The following RBM47 variants were observed in gnomAD, a reference collection of about 807,000 sequenced individuals.
The protein encoded by RBM47 is RNA-binding protein 47.
Under a neutral mutation model 47.1 loss-of-function variants are expected in RBM47, and 21 were observed. That is an observed-to-expected ratio of 0.45 (90% CI 0.32 to 0.64). The LOEUF is 0.64. Among genes scored for constraint, RBM47 ranks in the 30% least tolerant of loss-of-function variants. The probability of loss-of-function intolerance (pLI) is 0.05; values close to 1 mark genes in which losing one functional copy is unlikely to be tolerated. For synonymous variants in RBM47, 375 were observed against 361.7 expected (o/e 1.04, Z -0.42); for missense variants, 708 against 870.9 (o/e 0.81, Z 2.35).
rs374159101 is a variant in RBM47, at chr4:40,438,364, C to T, written c.530G>A (p.Gly177Asp). ...GGCGTAGACGATCACGTCCAGCACG[C>T]CCTCGGTGACCTTGGCAATCTCCTC... ...ILEEIAKVTE[G>D]VLDVIVYASA... The change falls in exon 4 of 7, where the codon GGC (glycine) becomes GAC (aspartate). Residue 177 changes from glycine (G) to aspartate (D), a missense_variant. By Grantham distance (94) the Gly-to-Asp change is moderately conservative. Transcript: ENST00000295971. 31 of 1,612,266 alleles carry T rather than the reference C, an allele frequency of 1.9e-5. No individual in the cohort carries two copies. Among genetic ancestry groups the T allele is most frequent in the Non-Finnish European group, 2.5e-5 (29 of 1,179,962 alleles).
intron 1 of RBM47, among the ~76,000 whole-genome samples, chr4:40,556,659 G>GCGGGAGGATCACTTGAGCT (rs906583606): frequency 3.3e-5 from 5 of 152,158 alleles, no homozygotes; most frequent in African/African-American, 1.2e-4. Flanking sequence ...GGAGACTGAG[G>GCGGGAGGATCACTTGAGCT]CGGGAGGATC....
At chr4:40,436,787 A>C (rs185613109) in intron 4 of RBM47, 140 bp from the exon 5 acceptor site, 27 of 794,870 alleles carry the variant, frequency 3.4e-5, no homozygotes, top group Non-Finnish European at 5.2e-5. Context: ...TAGGCTGGTA[A>C]AGATGCTTCC....
At chr4:40,528,415 A>AG (rs1276418775) in intron 2 of RBM47, among the ~76,000 whole-genome samples, 1 of 151,162 alleles carries the variant, frequency 6.6e-6, no homozygotes, top group Non-Finnish European at 1.5e-5. Context: ...TAAAAAAAAA[A>AG]CAACAAAAAA....
chr4:40,580,364 C>T (rs1234354236), intron 1 of RBM47, among the ~76,000 whole-genome samples: 1 of 152,044 alleles, frequency 6.6e-6, no homozygotes, highest in Non-Finnish European at 1.5e-5. Context: ...GTTTACTCTC[C>T]TCATTTGGAA....
intron 2 of RBM47, among the ~76,000 whole-genome samples, chr4:40,478,127 T>C (rs1263935562): frequency 6.6e-6 from 1 of 150,538 alleles, no homozygotes; most frequent in Admixed American, 6.7e-5. Context: ...GCGATTCTCC[T>C]GCCTCAGCCT....
chr4:40,484,849 CTTCTT>C (rs1206129561), intron 2 of RBM47, among the ~76,000 whole-genome samples: 1 of 152,164 alleles, frequency 6.6e-6, no homozygotes, highest in African/African-American at 2.4e-5. Flanking sequence ...TTCAGCATTT[CTTCTT>C]TTCTAGATAT....
chr4:40,495,721 G>A (rs1722476697), intron 2 of RBM47, among the ~76,000 whole-genome samples: 1 of 152,018 alleles, frequency 6.6e-6, no homozygotes, highest in African/African-American at 2.4e-5. Flanking sequence ...ACATTTCTTT[G>A]AAGAGGCATG....
At chr4:40,467,263 C>T (rs1291861268) in intron 2 of RBM47, among the ~76,000 whole-genome samples, 2 of 152,002 alleles carry the variant, frequency 1.3e-5, no homozygotes, top group Non-Finnish European at 1.5e-5. Flanking sequence ...AAGAGACTTA[C>T]TGTTCTGCCC....
chr4:40,433,965 T>C (rs1711791635), intron 5 of RBM47, among the ~76,000 whole-genome samples: 1 of 133,360 alleles, frequency 7.5e-6, no homozygotes, highest in South Asian at 2.4e-4. Flanking sequence ...GGAAAAGATA[T>C]CAGCCCTTTT....
chr4:40,429,865 G>A (rs1715650003), intron 6 of RBM47, among the ~76,000 whole-genome samples: 1 of 151,934 alleles, frequency 6.6e-6, no homozygotes, highest in Non-Finnish European at 1.5e-5. Flanking sequence ...GAGGATGATC[G>A]AAGGTAGGGG....
At chr4:40,552,379 CAGAGTG>C (rs1169107472) in intron 1 of RBM47, among the ~76,000 whole-genome samples, 1 of 150,782 alleles carries the variant, frequency 6.6e-6, no homozygotes, top group Non-Finnish European at 1.5e-5. Context: ...GCCTGGGCGA[CAGAGTG>C]AGACTCTGTC....
intron 2 of RBM47, among the ~76,000 whole-genome samples, chr4:40,493,408 C>T (rs1722159655): frequency 6.6e-6 from 1 of 152,142 alleles, no homozygotes; most frequent in Admixed American, 6.6e-5. Flanking sequence ...AATGTGTCCA[C>T]AGAACACTTG....
chr4:40,620,927 G>C (rs546126456), intron 1 of RBM47, among the ~76,000 whole-genome samples: 1 of 152,036 alleles, frequency 6.6e-6, no homozygotes, highest in South Asian at 2.1e-4. Flanking sequence ...TTGTTTATTA[G>C]GCATAATTTG....
rs952627036 is a variant in RBM47 at position 40,551,741 on chromosome 4, C to T, written c.-239-7235G>A. Among the ~76,000 whole-genome samples, 8 of 151,056 alleles carry T rather than the reference C, an allele frequency of 5.3e-5. No individual in the cohort carries two copies. The South Asian group carries it at 1.0e-3, about 20-fold the overall frequency. Reference sequence around the variant, plus strand: ...TCGGCTCACTGCAGCTTCCGCCTCCCGGGTTCAAGTGATTCTCCTGCCTCA... The same window carrying T: ...TCGGCTCACTGCAGCTTCCGCCTCCTGGGTTCAAGTGATTCTCCTGCCTCA... On this transcript the variant is annotated intron_variant, in intron 1 of 6. Transcript: ENST00000295971.
chr4:40,435,291 G>A (rs192464742), intron 5 of RBM47, among the ~76,000 whole-genome samples: 1 of 152,248 alleles, frequency 6.6e-6, no homozygotes, highest in African/African-American at 2.4e-5. Context: ...GCTCATGCCT[G>A]TAATCCCAGC....
At chr4:40,498,094 A>G (rs1208493303) in intron 2 of RBM47, among the ~76,000 whole-genome samples, 24 of 143,878 alleles carry the variant, frequency 1.7e-4, no homozygotes, top group African/African-American at 5.8e-4. Flanking sequence ...ATCTAATTCC[A>G]GAAAGCAGAG....
intron 3 of RBM47, among the ~76,000 whole-genome samples, chr4:40,460,626 G>A (rs186668415): frequency 3.0e-4 from 46 of 152,274 alleles, no homozygotes; most frequent in Admixed American, 2.6e-3. Context: ...AGTGAGGTGA[G>A]ATTGTGCCAC....
intron 2 of RBM47, among the ~76,000 whole-genome samples, chr4:40,484,705 C>T (rs1577756693): frequency 6.6e-6 from 1 of 152,136 alleles, no homozygotes; most frequent in Non-Finnish European, 1.5e-5. Flanking sequence ...TCCAAGACTA[C>T]CTTCCTTCCT....
chr4:40,532,627 T>A (rs1313107946), intron 2 of RBM47, among the ~76,000 whole-genome samples: 2 of 150,952 alleles, frequency 1.3e-5, no homozygotes, highest in Admixed American at 1.3e-4. Context: ...AAAAAAATAT[T>A]ATTCTTTTTC....
Sources: gnomAD v4.1 joint callset for allele counts (sites outside exome capture counted in the v4.1 genomes callset) on GRCh38, gnomAD v4.1.1 for gene constraint, MANE v1.5 for transcripts, NCBI Gene and HGNC (gene_info 2026-07-23, HGNC 2026-07-21) for gene names.